DYNC2H1: variants seen among roughly 807,000 people sequenced by gnomAD.
The protein encoded by DYNC2H1 is cytoplasmic dynein 2 heavy chain 1.
A neutral mutation model predicts 570.0 loss-of-function variants in DYNC2H1; 410 were observed. The ratio of observed to expected loss-of-function variants is 0.72; its 90% CI spans 0.66 to 0.78. The LOEUF (loss-of-function observed/expected upper bound fraction) is 0.78. Ranked by LOEUF, DYNC2H1 falls within the 30% of genes least tolerant of loss-of-function variation. The pLI, the probability that DYNC2H1 is intolerant of heterozygous loss-of-function variation, is 0.00. For missense variants in DYNC2H1, 4,865 were observed against 5,046.4 expected, an observed-to-expected ratio of 0.96 and a Z score of 1.09; for synonymous variants, 1,688 against 1,677.6, an observed-to-expected ratio of 1.01 and a Z score of -0.15.
At chr11:103,436,209 T>C (rs1449616098) in intron 85 of DYNC2H1, among the ~76,000 whole-genome samples, 177 bp downstream of exon 85, 4 of 151,998 alleles carry the variant, frequency 2.6e-5, no homozygotes, top group African/African-American at 9.7e-5. Context: ...TTTTTTTTTT[T>C]TTTTACAAAA....
At chr11:103,221,135 C>G (rs1480468653) in intron 57 of DYNC2H1, among the ~76,000 whole-genome samples, 2 of 151,832 alleles carry the variant, frequency 1.3e-5, no homozygotes, top group African/African-American at 4.8e-5. Flanking sequence ...CCTTAAGAGT[C>G]TTGTACTACC....
Position 103,116,692 on chromosome 11 carries a change from G to A in DYNC2H1, c.744G>A (p.Met248Ile), listed in dbSNP as rs1415639749. Residue 248 changes from methionine (M) to isoleucine (I), a missense_variant, in exon 5 of 89, where the codon ATG becomes ATA. Transcript: ENST00000375735. ...ATGATCATTATCCTGAGTCACGAAT[G>A]TTGCATCTCTTAGACATCATAGGTA... is the stretch of plus-strand genomic sequence containing the variant. ...TEHDHYPESR[M>I]LHLLDIIGGS... The A allele has an allele frequency of 1.9e-6, 3 of 1,601,972 alleles. No individual in the cohort carries two copies. The highest frequency in any genetic ancestry group is 2.3e-5 in the East Asian group (1 of 44,410).
At chr11:103,436,126 CTA>C (rs368583385) in intron 85 of DYNC2H1, 94 bp downstream of exon 85, 1 of 1,038,454 alleles carries the variant, frequency 9.6e-7, no homozygotes, top group African/African-American at 1.6e-5. Flanking sequence ...GAGAATTACA[CTA>C]TGATTTTGCA....
At chr11:103,216,792 A>AG (rs1334187463) in intron 55 of DYNC2H1, among the ~76,000 whole-genome samples, 1 of 151,328 alleles carries the variant, frequency 6.6e-6, no homozygotes, top group Non-Finnish European at 1.5e-5. Flanking sequence ...AGACTCTCAA[A>AG]AAAAAAAAAT....
intron 18 of DYNC2H1, among the ~76,000 whole-genome samples, chr11:103,143,797 A>T (rs528277006): frequency 2.4e-4 from 36 of 152,260 alleles, no homozygotes; most frequent in African/African-American, 8.2e-4. Context: ...GGCACACAAC[A>T]TAGTGCTGCA....
chr11:103,330,240 A>C (rs1938706735), intron 82 of DYNC2H1, among the ~76,000 whole-genome samples: 1 of 152,190 alleles, frequency 6.6e-6, no homozygotes, highest in South Asian at 2.1e-4. Flanking sequence ...TATCTGAATA[A>C]ATATATGTAC....
chr11:103,406,186 G>C (rs1421689825), intron 84 of DYNC2H1: 1 of 151,942 alleles, frequency 6.6e-6, no homozygotes, highest in African/African-American at 2.4e-5. Flanking sequence ...GGCTTTGAAG[G>C]CTCTTGGTCT....
intron 82 of DYNC2H1, among the ~76,000 whole-genome samples, chr11:103,353,138 G>A (rs1940134451): frequency 6.6e-6 from 1 of 152,156 alleles, no homozygotes; most frequent in South Asian, 2.1e-4. Context: ...CACACACAGG[G>A]CCTGTCAGGA....
intron 81 of DYNC2H1, among the ~76,000 whole-genome samples, chr11:103,323,198 A>G (rs927576645): frequency 2.0e-5 from 3 of 152,198 alleles, no homozygotes; most frequent in African/African-American, 4.8e-5. Context: ...GCCAAACTGA[A>G]TAAGTGTTTT....
intron 47 of DYNC2H1, among the ~76,000 whole-genome samples, chr11:103,197,287 A>G (rs1377802971): frequency 6.6e-6 from 1 of 152,110 alleles, no homozygotes; most frequent in African/African-American, 2.4e-5. Context: ...GGAAAATGGG[A>G]CAAACTGAGA....
Position 103,299,812 on chromosome 11 carries a change from C to T in DYNC2H1, c.11096-3281C>T, listed in dbSNP as rs983252930. Among the ~76,000 whole-genome samples the T allele has an allele frequency of 1.3e-5, 2 of 152,004 alleles. No individual in the cohort carries two copies. The highest frequency in any genetic ancestry group is 2.4e-5 in the African/African-American group (1 of 41,410). On this transcript the variant is annotated intron_variant, in intron 75 of 88. Coordinates refer to ENST00000375735, the MANE Select transcript of DYNC2H1 (RefSeq NM_001377.3). The surrounding 1 kb of genome is among the most constrained non-coding windows in gnomAD (Gnocchi z 4.5). ...TTAGTTTAGTTTTTGATTGAATAAC[C>T]AGGGCTTAGGATTCTTGAAAGAGGT...
Position 103,170,468 on chromosome 11 carries a change from T to C in DYNC2H1, c.5151+178T>C, listed in dbSNP as rs634192. ...TTGTACGTAGTATAGTCCAAAACTTTTCTAAGAATTATGGCAAAGAAATAA... is the reference window on the plus strand; with the variant it reads ...TTGTACGTAGTATAGTCCAAAACTTCTCTAAGAATTATGGCAAAGAAATAA... On this transcript the variant is annotated intron_variant, in intron 33 of 88. Coordinates refer to ENST00000375735, the MANE Select transcript of DYNC2H1 (RefSeq NM_001377.3). This position sits in a 1 kb window ranked among gnomAD's most constrained non-coding sequence, Gnocchi z 4.8. Among the ~76,000 whole-genome samples the C allele has an allele frequency of 0.68, 102,669 of 152,062 alleles. 35,549 individuals carry two copies. The highest frequency in any genetic ancestry group is 0.77 in the East Asian group (3,984 of 5,186).
At position 103,256,579 on chromosome 11, in the gene DYNC2H1, T is replaced by G. The variant is rs531956865; in HGVS notation, c.10461+339T>G. ...AATATCTTTGCCGTTCTTAGAACTT[T>G]TCTTAAGTTAAGGCAAGTTAAATAT... On this transcript the variant is annotated intron_variant, in intron 68 of 88. Transcript: ENST00000375735. This position sits in a 1 kb window ranked among gnomAD's most constrained non-coding sequence, Gnocchi z 4.0. Among the ~76,000 whole-genome samples the G allele has an allele frequency of 6.6e-6, 1 of 152,312 alleles. No homozygotes were observed. The highest frequency in any genetic ancestry group is 2.1e-4 in the South Asian group (1 of 4,828).
At position 103,256,371 on chromosome 11, in the gene DYNC2H1, G is replaced by A; in HGVS notation, c.10461+131G>A. ...AGAAAAAAGCTATTCAAAAACATCA[G>A]AACATTGGGTTTGATTCTAGTTATT... is the stretch of plus-strand genomic sequence containing the variant. On this transcript the variant is annotated intron_variant, in intron 68 of 88. Coordinates refer to ENST00000375735, the MANE Select transcript of DYNC2H1 (RefSeq NM_001377.3). This position sits in a 1 kb window ranked among gnomAD's most constrained non-coding sequence, Gnocchi z 4.0. 3 of 898,802 alleles carry A rather than the reference G, an allele frequency of 3.3e-6. No homozygotes were observed. The highest frequency in any genetic ancestry group is 4.9e-6 in the Non-Finnish European group (3 of 613,666). The allele number at this position is 898,802 out of a possible 1,614,324, so 55.7% of individuals were successfully genotyped here. A position where few individuals can be genotyped will look rare whatever the true frequency, so the allele number is the denominator to read the frequency against.
At chr11:103,404,035 T>C (rs895502985) in intron 84 of DYNC2H1, 6 of 151,852 alleles carry the variant, frequency 4.0e-5, no homozygotes, top group Non-Finnish European at 8.8e-5. Context: ...GTTGTGAGTA[T>C]TAGGGAAATA....
At chr11:103,301,965 C>G (rs1867065870) in intron 75 of DYNC2H1, among the ~76,000 whole-genome samples, 1 of 151,922 alleles carries the variant, frequency 6.6e-6, no homozygotes, top group Non-Finnish European at 1.5e-5. Context: ...CTGTGTAACA[C>G]TCATTTTAGC....
At chr11:103,165,741 A>T (rs970474687) in intron 30 of DYNC2H1, among the ~76,000 whole-genome samples, 157 bp from the exon 31 acceptor site, 2 of 152,196 alleles carry the variant, frequency 1.3e-5, no homozygotes, top group African/African-American at 2.4e-5. Context: ...TTCTACTACT[A>T]TATTACTCTA....
intron 72 of DYNC2H1, among the ~76,000 whole-genome samples, chr11:103,282,637 T>C (rs1476609993): frequency 1.3e-5 from 2 of 151,990 alleles, no homozygotes; most frequent in East Asian, 1.9e-4. Flanking sequence ...CCTATTTGAA[T>C]ACATAATGAA....
intron 83 of DYNC2H1, among the ~76,000 whole-genome samples, chr11:103,374,607 A>G (rs1259563147): frequency 2.6e-5 from 4 of 152,164 alleles, no homozygotes; most frequent in Non-Finnish European, 5.9e-5. Flanking sequence ...GATATGGGCA[A>G]TGAAGTCCAG....
Sources: gnomAD v4.1 joint callset for allele counts (sites outside exome capture counted in the v4.1 genomes callset) on GRCh38, gnomAD v4.1.1 for gene constraint, Gnocchi (gnomAD v3.1) non-coding constraint, MANE v1.5 for transcripts, NCBI Gene and HGNC (gene_info 2026-07-23, HGNC 2026-07-21) for gene names.